Variants in ATG10 observed in about 807,000 individuals in gnomAD.
The protein encoded by ATG10 is autophagy related 10.
ATG10 carries 30 observed loss-of-function variants against 32.1 expected under a neutral mutation model. The ratio of observed to expected loss-of-function variants is 0.94; its 90% CI spans 0.70 to 1.27. The LOEUF (loss-of-function observed/expected upper bound fraction) is 1.27. Ranked by LOEUF, ATG10 falls within the 50% of genes most tolerant of loss-of-function variation. The pLI is 0.00. For synonymous variants in ATG10, 87 were observed against 91.5 expected, an observed-to-expected ratio of 0.95 and a Z score of 0.28; for missense variants, 233 against 262.3, an observed-to-expected ratio of 0.89 and a Z score of 0.77.
At chr5:81,991,582 T>A (rs913155855) in intron 2 of ATG10, among the ~76,000 whole-genome samples, 1 of 152,104 alleles carries the variant, frequency 6.6e-6, no homozygotes, top group African/African-American at 2.4e-5. Context: ...TTACCTGAGG[T>A]CAGGAGTTCG....
intron 3 of ATG10, among the ~76,000 whole-genome samples, chr5:82,155,569 A>G (rs529790933): frequency 2.0e-5 from 3 of 152,316 alleles, no homozygotes; most frequent in African/African-American, 4.8e-5. Context: ...AGCCTAAAAT[A>G]TTTACTACTT....
At chr5:82,009,720 A>G in intron 2 of ATG10, 2 of 1,592,122 alleles carry the variant, frequency 1.3e-6, no homozygotes, top group Non-Finnish European at 1.7e-6. Flanking sequence ...GATCACATGC[A>G]TGCCATCCAA....
chr5:82,233,271 ACTGT>A (rs2150008892), intron 5 of ATG10, among the ~76,000 whole-genome samples: 1 of 152,274 alleles, frequency 6.6e-6, no homozygotes, highest in Non-Finnish European at 1.5e-5. Flanking sequence ...CTGTACCTCT[ACTGT>A]CTGACACCAT....
At chr5:82,088,978 C>T (rs557330908) in intron 3 of ATG10, among the ~76,000 whole-genome samples, 1 of 152,104 alleles carries the variant, frequency 6.6e-6, no homozygotes, top group African/African-American at 2.4e-5. Context: ...ATATTTAGAA[C>T]CTTTTTTAAA....
At chr5:82,179,494 C>T (rs1470280176) in intron 5 of ATG10, among the ~76,000 whole-genome samples, 1 of 151,858 alleles carries the variant, frequency 6.6e-6, no homozygotes, top group Non-Finnish European at 1.5e-5. Context: ...AATATGGTTG[C>T]AATAGTGATT....
chr5:82,090,599 G>A (rs1764849282), intron 3 of ATG10, among the ~76,000 whole-genome samples: 1 of 152,130 alleles, frequency 6.6e-6, no homozygotes, highest in Non-Finnish European at 1.5e-5. Context: ...CTAAATAAGG[G>A]GTGGGGATAG....
At chr5:82,138,754 A>G (rs996539170) in intron 3 of ATG10, among the ~76,000 whole-genome samples, 14 of 152,098 alleles carry the variant, frequency 9.2e-5, no homozygotes, top group African/African-American at 2.9e-4. Context: ...AGTAGTATCA[A>G]TAACATTATT....
chr5:82,084,673 G>A (rs1174408739), intron 3 of ATG10, among the ~76,000 whole-genome samples: 6 of 152,110 alleles, frequency 3.9e-5, no homozygotes, highest in Non-Finnish European at 5.9e-5. Flanking sequence ...GTGGGGGACG[G>A]TATTCAACAT....
intron 1 of ATG10, among the ~76,000 whole-genome samples, chr5:81,978,807 A>G (rs1760945687): frequency 6.6e-6 from 1 of 152,144 alleles, no homozygotes. Context: ...CAGTTTGTGT[A>G]AGAAAGGTCC....
At chr5:82,109,116 T>G (rs957234936) in intron 3 of ATG10, among the ~76,000 whole-genome samples, 6 of 151,850 alleles carry the variant, frequency 4.0e-5, no homozygotes, top group Non-Finnish European at 8.8e-5. Context: ...GAGGCTAAGG[T>G]AAGAAATAAG....
intron 3 of ATG10, among the ~76,000 whole-genome samples, chr5:82,104,341 A>G (rs1338186660): frequency 4.6e-5 from 7 of 152,114 alleles, no homozygotes; most frequent in East Asian, 1.9e-4. Flanking sequence ...TTATCTTTCC[A>G]TAGGGTGAAT....
At chr5:82,155,540 G>A (rs1311859368) in intron 3 of ATG10, among the ~76,000 whole-genome samples, 1 of 152,152 alleles carries the variant, frequency 6.6e-6, no homozygotes, top group South Asian at 2.1e-4. Context: ...CAGCTGCAGA[G>A]ACCTATGGCC....
chr5:82,009,254 A>C (rs1381314148), intron 2 of ATG10, among the ~76,000 whole-genome samples: 1 of 152,172 alleles, frequency 6.6e-6, no homozygotes, highest in Non-Finnish European at 1.5e-5. Flanking sequence ...TTTGGTTGCC[A>C]TTGAGTTCCA....
At chr5:82,007,836 T>C (rs1036093668) in intron 2 of ATG10, among the ~76,000 whole-genome samples, 3 of 152,198 alleles carry the variant, frequency 2.0e-5, no homozygotes, top group African/African-American at 7.2e-5. Context: ...CACACACATA[T>C]ATATATTTGT....
Position 82,160,994 on chromosome 5 carries a change from A to G in ATG10, c.217-3405A>G, listed in dbSNP as rs1743306645. ...CTGTACTAGAATCTCCAGGAATACA[A>G]AAATGAGTAAGACAAGAACCTTAGT... On this transcript the variant is annotated intron_variant, in intron 3 of 7. Coordinates refer to ENST00000282185, the MANE Select transcript of ATG10 (RefSeq NM_031482.5). Among the ~76,000 whole-genome samples, 3 of 152,302 alleles carry G rather than the reference A, an allele frequency of 2.0e-5. No individual in the cohort carries two copies. In the South Asian group the frequency reaches 6.2e-4, roughly 32 times the overall value.
At chr5:82,203,647 A>C (rs932404020) in intron 5 of ATG10, among the ~76,000 whole-genome samples, 4 of 152,108 alleles carry the variant, frequency 2.6e-5, no homozygotes, top group Non-Finnish European at 4.4e-5. Flanking sequence ...TCTGTAAGCC[A>C]GGGGAGTTTA....
intron 5 of ATG10, among the ~76,000 whole-genome samples, chr5:82,200,844 T>C (rs1466767864): frequency 6.6e-6 from 1 of 150,598 alleles, no homozygotes; most frequent in African/African-American, 2.4e-5. Context: ...TTGTATGAAG[T>C]CCAATTTATT....
Position 82,164,443 on chromosome 5 carries a change from T to A in ATG10, c.261T>A (p.Thr87=), listed in dbSNP as rs568212950. 5 of 1,614,016 alleles carry A rather than the reference T, an allele frequency of 3.1e-6. No homozygotes were observed. The Admixed American group carries it at 6.7e-5, about 22-fold the overall frequency. ...TGGATGATTGTGAAGTGATTGAAAC[T>A]GCAGCAGCGTCCGAAGTGATTAAAT... The part of the protein sequence containing the change: ...LPLDDCEVIE[T]AAASEVIKYE... The change falls in exon 4 of 8, where the codon ACT becomes ACA. Residue 87 remains threonine, a synonymous_variant. Coordinates refer to ENST00000282185, the MANE Select transcript of ATG10 (RefSeq NM_031482.5).
intron 2 of ATG10, among the ~76,000 whole-genome samples, chr5:82,057,807 C>G (rs1763650707): frequency 6.6e-6 from 1 of 152,076 alleles, no homozygotes; most frequent in Non-Finnish European, 1.5e-5. Context: ...GGCTCAGAAA[C>G]CATATTTTGT....
Sources: gnomAD v4.1 joint callset for allele counts (sites outside exome capture counted in the v4.1 genomes callset) on GRCh38, gnomAD v4.1.1 for gene constraint, MANE v1.5 for transcripts, NCBI Gene and HGNC (gene_info 2026-07-23, HGNC 2026-07-21) for gene names.